KCNS3: variants seen among roughly 807,000 people sequenced by gnomAD.
KCNS3 encodes delayed-rectifier potassium channel regulatory subunit KCNS3.
A neutral mutation model predicts 31.0 loss-of-function variants in KCNS3; 13 were observed. The ratio of observed to expected loss-of-function variants is 0.42; its 90% CI spans 0.27 to 0.67. The LOEUF is 0.67. Ranked by LOEUF, KCNS3 falls within the 30% of genes least tolerant of loss-of-function variation. The pLI, the probability that KCNS3 is intolerant of heterozygous loss-of-function variation, is 0.25. For missense variants in KCNS3, 545 were observed against 622.4 expected, an observed-to-expected ratio of 0.88 and a Z score of 1.32; for synonymous variants, 238 against 241.5, an observed-to-expected ratio of 0.99 and a Z score of 0.13.
chr2:17,904,105 C>T (rs1662253946), intron 1 of KCNS3, among the ~76,000 whole-genome samples: 1 of 152,142 alleles, frequency 6.6e-6, no homozygotes, highest in Non-Finnish European at 1.5e-5. Context: ...TTCTCCACAT[C>T]CTCTCCAGCA....
At chr2:17,878,511 G>C (rs1487338578), upstream of KCNS3, among the ~76,000 whole-genome samples, 1 of 151,350 alleles carries the variant, frequency 6.6e-6, no homozygotes, top group Admixed American at 6.6e-5. Context: ...CCGCGCCCTC[G>C]GCCCGGGGCG....
intron 1 of KCNS3, among the ~76,000 whole-genome samples, chr2:17,892,284 G>GTT (rs34573286): frequency 7.4e-5 from 11 of 148,490 alleles, no homozygotes; most frequent in Non-Finnish European, 7.4e-5. Flanking sequence ...AATTTTTATT[G>GTT]TTTTTTTTTT....
chr2:17,879,200 G>A (rs775695915), intron 1 of KCNS3, among the ~76,000 whole-genome samples: 2 of 152,246 alleles, frequency 1.3e-5, no homozygotes, highest in Non-Finnish European at 2.9e-5. Flanking sequence ...GAAGAAAGGC[G>A]GCACCTCGCG....
At chr2:17,883,807 G>A (rs1381202143) in intron 1 of KCNS3, among the ~76,000 whole-genome samples, 1 of 151,988 alleles carries the variant, frequency 6.6e-6, no homozygotes, top group Non-Finnish European at 1.5e-5. Flanking sequence ...ACCTGCACAC[G>A]TATGTTTATT....
At chr2:17,901,066 C>T (rs563938639) in intron 1 of KCNS3, among the ~76,000 whole-genome samples, 5 of 152,112 alleles carry the variant, frequency 3.3e-5, no homozygotes, top group Admixed American at 1.3e-4. Flanking sequence ...TAGTGAGTGC[C>T]GAATCCAGGA....
intron 1 of KCNS3, among the ~76,000 whole-genome samples, chr2:17,893,499 GAATT>G (rs925046195): frequency 3.9e-5 from 6 of 152,214 alleles, no homozygotes; most frequent in African/African-American, 1.4e-4. Context: ...TCTCCTTGTT[GAATT>G]TTACCCCCTG....
At chr2:17,887,019 C>G in intron 1 of KCNS3, among the ~76,000 whole-genome samples, 1 of 152,128 alleles carries the variant, frequency 6.6e-6, no homozygotes. Flanking sequence ...GTGATGAGAA[C>G]CGAATTTTCT....
chr2:17,925,245 A>G (rs1419866962), intron 2 of KCNS3, among the ~76,000 whole-genome samples: 1 of 152,194 alleles, frequency 6.6e-6, no homozygotes, highest in Non-Finnish European at 1.5e-5. Context: ...GGAATTCAGG[A>G]AAAGCTTACC....
At chr2:17,888,399 GAT>G (rs1165506857) in intron 1 of KCNS3, among the ~76,000 whole-genome samples, 1 of 151,710 alleles carries the variant, frequency 6.6e-6, no homozygotes, top group Non-Finnish European at 1.5e-5. Context: ...TAAGATGAGA[GAT>G]GAGGATCCAA....
intron 1 of KCNS3, among the ~76,000 whole-genome samples, 191 bp downstream of exon 1, chr2:17,878,997 G>T (rs115356609): frequency 2.0e-3 from 309 of 152,336 alleles, no homozygotes; most frequent in African/African-American, 6.9e-3. Flanking sequence ...CGCGGCGCCC[G>T]CATCCTCTGG....
chr2:17,911,400 C>G (rs1410165756), intron 1 of KCNS3, among the ~76,000 whole-genome samples: 1 of 152,186 alleles, frequency 6.6e-6, no homozygotes, highest in Non-Finnish European at 1.5e-5. Context: ...TCATGTGAAT[C>G]TATAAGTTCA....
intron 1 of KCNS3, among the ~76,000 whole-genome samples, chr2:17,911,711 G>T (rs1235508789): frequency 6.6e-6 from 1 of 152,050 alleles, no homozygotes; most frequent in East Asian, 1.9e-4. Flanking sequence ...TTTCTCTTTT[G>T]TACTTAGCAT....
intron 1 of KCNS3, among the ~76,000 whole-genome samples, chr2:17,906,412 C>T (rs1008894007): frequency 3.3e-5 from 5 of 152,056 alleles, no homozygotes; most frequent in African/African-American, 1.2e-4. Flanking sequence ...AAAAAACCAG[C>T]TCCTGGATTC....
intron 1 of KCNS3, among the ~76,000 whole-genome samples, chr2:17,906,594 A>G (rs1391585909): frequency 6.6e-6 from 1 of 152,198 alleles, no homozygotes; most frequent in African/African-American, 2.4e-5. Context: ...TCTTGTGGGC[A>G]TTTAGTGCTG....
chr2:17,931,334 A>G lies in KCNS3; in HGVS notation c.326A>G (p.Asn109Ser), dbSNP rs1662958828. Reference protein sequence around the residue: ...FCQEIEYWGINELFIDSCCSN... With the variant: ...FCQEIEYWGISELFIDSCCSN... The stretch of plus-strand genomic sequence containing the variant: ...CAGGAGATCGAGTACTGGGGCATCA[A>G]CGAGCTCTTCATTGATTCTTGCTGC... Residue 109 changes from asparagine to serine, a missense_variant, in exon 3 of 3, where the codon AAC becomes AGC. By Grantham distance (46) the Asn-to-Ser change is conservative. Transcript: ENST00000304101. The surrounding 1 kb of genome is among the most constrained non-coding windows in gnomAD (Gnocchi z 5.4). 5 of 1,614,164 alleles carry G rather than the reference A, an allele frequency of 3.1e-6. No homozygotes were observed. The highest frequency in any genetic ancestry group is 3.4e-6 in the Non-Finnish European group (4 of 1,180,030).
intron 1 of KCNS3, among the ~76,000 whole-genome samples, chr2:17,907,391 G>T (rs546712650): frequency 4.6e-5 from 7 of 152,182 alleles, no homozygotes; most frequent in Non-Finnish European, 1.0e-4. Context: ...ACAGCGCACT[G>T]ATGGGTCTTG....
At chr2:17,908,595 C>G (rs946058464) in intron 1 of KCNS3, among the ~76,000 whole-genome samples, 1 of 152,164 alleles carries the variant, frequency 6.6e-6, no homozygotes, top group Non-Finnish European at 1.5e-5. Flanking sequence ...GTGGTTTTAT[C>G]TACCTTTGGT....
intron 1 of KCNS3, among the ~76,000 whole-genome samples, chr2:17,908,455 C>T (rs1157596089): frequency 6.6e-6 from 1 of 152,242 alleles, no homozygotes; most frequent in African/African-American, 2.4e-5. Context: ...CTTCTTTTCT[C>T]AACTCGTCAA....
At chr2:17,928,320 G>A (rs1248443797) in intron 2 of KCNS3, among the ~76,000 whole-genome samples, 1 of 152,186 alleles carries the variant, frequency 6.6e-6, no homozygotes, top group Non-Finnish European at 1.5e-5. Flanking sequence ...AGGATGGAGT[G>A]CAGTAGTGCG....
Sources: allele counts gnomAD v4.1 joint callset (sites outside exome capture counted in the v4.1 genomes callset), GRCh38; gene constraint gnomAD v4.1.1; non-coding constraint Gnocchi (gnomAD v3.1); transcripts MANE v1.5; gene names NCBI Gene and HGNC (gene_info 2026-07-23, HGNC 2026-07-21).